The following FOXP1 variants were observed in gnomAD, a reference collection of about 807,000 sequenced individuals.
FOXP1 encodes forkhead box P1.
Under a neutral mutation model 98.2 loss-of-function variants are expected in FOXP1, and 15 were observed. That is an observed-to-expected ratio of 0.15 (90% CI 0.10 to 0.24). FOXP1 has a LOEUF of 0.24. FOXP1 is among the 10% of genes least tolerant of loss of function. The pLI is 1.00. For missense variants in FOXP1, 633 were observed against 848.5 expected, an observed-to-expected ratio of 0.75 and a Z score of 3.15; for synonymous variants, 371 against 314.5, an observed-to-expected ratio of 1.18 and a Z score of -1.90.
chr3:71,391,297 A>G (rs1321262253), intron 3 of FOXP1, among the ~76,000 whole-genome samples: 1 of 152,196 alleles, frequency 6.6e-6, no homozygotes, highest in Non-Finnish European at 1.5e-5. Context: ...CCCCACTACA[A>G]AAAGTTTCAT....
intron 7 of FOXP1, among the ~76,000 whole-genome samples, chr3:71,107,579 C>T (rs2057543549): frequency 6.6e-6 from 1 of 151,880 alleles, no homozygotes; most frequent in South Asian, 2.1e-4. Context: ...CTAGGGGTGC[C>T]AATTCTAGAC....
intron 4 of FOXP1, among the ~76,000 whole-genome samples, chr3:71,323,183 C>T (rs1437615079): frequency 1.3e-5 from 2 of 152,046 alleles, no homozygotes; most frequent in Non-Finnish European, 2.9e-5. Flanking sequence ...GTTGGTCAGG[C>T]TGGTCTCGAA....
chr3:71,472,403 C>G (rs2089443772), intron 3 of FOXP1, among the ~76,000 whole-genome samples: 5 of 151,618 alleles, frequency 3.3e-5, no homozygotes. Context: ...CGAGAGGATT[C>G]AGTAGAAGTT....
intron 7 of FOXP1, among the ~76,000 whole-genome samples, chr3:71,089,614 C>T (rs1311958041): frequency 6.6e-6 from 1 of 152,196 alleles, no homozygotes; most frequent in Non-Finnish European, 1.5e-5. Flanking sequence ...CAGGAACACT[C>T]TTCCCTGCCC....
At position 70,977,862 on chromosome 3, in the gene FOXP1, C is replaced by G. The variant is rs1046172561; in HGVS notation, c.1314G>C (p.Arg438=). 3 of 1,614,018 alleles carry G rather than the reference C, an allele frequency of 1.9e-6. No homozygotes were observed. The African/African-American group carries it at 4.0e-5, about 22-fold the overall frequency. ...SMHTVGPIRR[R]YSDKYNVPIS... is the part of the protein sequence containing the mutation. Reference sequence around the variant, plus strand: ...TGGGCACGTTGTATTTGTCTGAGTACCGCCTGCGGATGGGTCCCACCGTGT... The same window carrying G: ...TGGGCACGTTGTATTTGTCTGAGTAGCGCCTGCGGATGGGTCCCACCGTGT... Residue 438 remains arginine, a synonymous_variant, in exon 15 of 21, where the codon CGG becomes CGC. Coordinates refer to ENST00000649528, the MANE Select transcript of FOXP1 (RefSeq NM_001349338.3).
intron 2 of FOXP1, chr3:71,572,292 T>G (rs1194442643): frequency 6.6e-6 from 1 of 152,166 alleles, no homozygotes; most frequent in Non-Finnish European, 1.5e-5. Flanking sequence ...TAAAGTTTTT[T>G]CCCCCAAAAC....
chr3:71,491,150 G>C (rs1401393717), intron 3 of FOXP1, among the ~76,000 whole-genome samples: 2 of 152,108 alleles, frequency 1.3e-5, no homozygotes, highest in African/African-American at 4.8e-5. Flanking sequence ...CAAGTAGCTG[G>C]GAGTACAGGC....
chr3:71,068,853 T>C (rs1385450069), intron 7 of FOXP1, among the ~76,000 whole-genome samples: 1 of 152,190 alleles, frequency 6.6e-6, no homozygotes, highest in Non-Finnish European at 1.5e-5. Context: ...AGGACTGCTT[T>C]AAGTATTTCT....
intron 3 of FOXP1, among the ~76,000 whole-genome samples, chr3:71,481,141 T>C (rs538182294): frequency 6.6e-6 from 1 of 152,312 alleles, no homozygotes; most frequent in African/African-American, 2.4e-5. Flanking sequence ...ACCAAATATT[T>C]TGCTTAGGAC....
chr3:71,310,648 T>C (rs1312925932), intron 4 of FOXP1, among the ~76,000 whole-genome samples: 1 of 152,182 alleles, frequency 6.6e-6, no homozygotes, highest in African/African-American at 2.4e-5. Flanking sequence ...CTTTGACTGG[T>C]TTCTCAAGGG....
chr3:71,460,530 G>A (rs192289818), intron 3 of FOXP1, among the ~76,000 whole-genome samples: 2 of 151,950 alleles, frequency 1.3e-5, no homozygotes, highest in East Asian at 1.9e-4. Context: ...TCCGCCTCCC[G>A]AGTTCAAGGA....
intron 2 of FOXP1, among the ~76,000 whole-genome samples, chr3:71,562,160 C>T (rs917353142): frequency 3.3e-5 from 5 of 152,158 alleles, no homozygotes; most frequent in African/African-American, 4.8e-5. Flanking sequence ...TACATGAGTC[C>T]TCCCAATGGT....
At chr3:71,322,250 G>T (rs2075432266) in intron 4 of FOXP1, among the ~76,000 whole-genome samples, 1 of 152,332 alleles carries the variant, frequency 6.6e-6, no homozygotes. Context: ...ATGAAAAACA[G>T]TAGTCATTAG....
At chr3:71,524,512 A>C (rs1309534170) in intron 2 of FOXP1, among the ~76,000 whole-genome samples, 3 of 150,942 alleles carry the variant, frequency 2.0e-5, no homozygotes, top group Admixed American at 6.6e-5. Flanking sequence ...AGTTAATTTT[A>C]ACTTGCTAGC....
intron 3 of FOXP1, among the ~76,000 whole-genome samples, chr3:71,485,787 A>AG (rs34516343): frequency 6.6e-6 from 1 of 151,746 alleles, no homozygotes; most frequent in Non-Finnish European, 1.5e-5. Flanking sequence ...AAAAAAAAAA[A>AG]GAACCACAGA....
At chr3:71,568,051 G>A (rs2047044570) in intron 2 of FOXP1, 1 of 121,292 alleles carries the variant, frequency 8.2e-6, no homozygotes, top group Non-Finnish European at 1.7e-5. Context: ...GGGGAGGGGA[G>A]GGGAGGGGAA....
intron 3 of FOXP1, among the ~76,000 whole-genome samples, chr3:71,467,764 C>T (rs1393062237): frequency 6.6e-6 from 1 of 152,168 alleles, no homozygotes; most frequent in Non-Finnish European, 1.5e-5. Flanking sequence ...TACTGAAAGA[C>T]TTGTTAAAAC....
intron 2 of FOXP1, chr3:71,567,917 G>C (rs1044070655): frequency 6.6e-6 from 1 of 150,948 alleles, no homozygotes; most frequent in African/African-American, 2.4e-5. Context: ...TGAGATGGAA[G>C]ATACAGTCAA....
intron 6 of FOXP1, chr3:71,130,592 G>A: frequency 6.3e-7 from 1 of 1,598,404 alleles, no homozygotes; most frequent in Non-Finnish European, 8.5e-7. Context: ...TTTCTGCGAA[G>A]CGGGGGTTGC....
Sources: allele counts gnomAD v4.1 joint callset (sites outside exome capture counted in the v4.1 genomes callset), GRCh38; gene constraint gnomAD v4.1.1; transcripts MANE v1.5; gene names NCBI Gene and HGNC (gene_info 2026-07-23, HGNC 2026-07-21).